Variants in PDE4D observed in about 807,000 individuals in gnomAD.
PDE4D encodes the protein phosphodiesterase 4D, also known as 3',5'-cyclic-AMP phosphodiesterase 4D.
PDE4D carries 24 observed loss-of-function variants against 87.4 expected under a neutral mutation model. The observed-to-expected ratio is 0.27, with a 90% CI of 0.20 to 0.39. The LOEUF is 0.39. PDE4D is among the 10% of genes least tolerant of loss of function. The pLI is 1.00. For missense variants in PDE4D, 714 were observed against 1,041.0 expected (o/e 0.69, Z 4.32); for synonymous variants, 384 against 383.2 (o/e 1.00, Z -0.02).
chr5:59,409,530 A>G (rs34468745), intron 1 of PDE4D, among the ~76,000 whole-genome samples: 26,136 of 151,896 alleles, frequency 0.17, 3,040 homozygotes, highest in African/African-American at 0.32. Flanking sequence ...GAGTGAGTGA[A>G]TGAGCTCTCT....
chr5:59,995,634 A>G (rs1420691326), intron 2 of PDE4D, among the ~76,000 whole-genome samples: 1 of 151,990 alleles, frequency 6.6e-6, no homozygotes, highest in African/African-American at 2.4e-5. Flanking sequence ...TTTCTTTTCA[A>G]TCTGCCTACT....
intron 5 of PDE4D, among the ~76,000 whole-genome samples, chr5:59,082,400 G>A (rs1425645424): frequency 1.3e-5 from 2 of 151,984 alleles, no homozygotes; most frequent in African/African-American, 2.4e-5. Context: ...AAGAGAGAAG[G>A]AAATCATTCT....
intron 1 of PDE4D, among the ~76,000 whole-genome samples, chr5:60,516,787 G>A (rs1750818854): frequency 6.6e-6 from 1 of 152,206 alleles, no homozygotes; most frequent in Non-Finnish European, 1.5e-5. Context: ...TAATGTAATT[G>A]ATGACAGTGG....
At chr5:60,220,761 G>C (rs1744403727) in intron 1 of PDE4D, among the ~76,000 whole-genome samples, 1 of 151,942 alleles carries the variant, frequency 6.6e-6, no homozygotes, top group South Asian at 2.1e-4. Flanking sequence ...CAATTACAAT[G>C]GTTAATAAAC....
intron 3 of PDE4D, among the ~76,000 whole-genome samples, chr5:59,935,995 T>C (rs926022371): frequency 2.6e-5 from 4 of 152,212 alleles, no homozygotes; most frequent in Non-Finnish European, 5.9e-5. Context: ...CTGGGTCAAA[T>C]GGTATTTCTA....
chr5:60,193,335 C>T (rs1785344474), intron 1 of PDE4D, among the ~76,000 whole-genome samples: 1 of 152,050 alleles, frequency 6.6e-6, no homozygotes, highest in South Asian at 2.1e-4. Context: ...AAAATAGGTT[C>T]ATATTATTAT....
At chr5:59,870,090 T>C (rs1472160519) in intron 1 of PDE4D, among the ~76,000 whole-genome samples, 1 of 152,186 alleles carries the variant, frequency 6.6e-6, no homozygotes, top group African/African-American at 2.4e-5. Context: ...TTCCATAAAG[T>C]CTCATGTGGT....
chr5:60,376,000 C>T (rs1460264330), intron 1 of PDE4D, among the ~76,000 whole-genome samples: 1 of 152,150 alleles, frequency 6.6e-6, no homozygotes, highest in East Asian at 1.9e-4. Context: ...GATCGCGCCA[C>T]TGCACTCCAG....
intron 1 of PDE4D, among the ~76,000 whole-genome samples, chr5:59,354,182 T>TA (rs989532329): frequency 6.6e-6 from 1 of 151,956 alleles, no homozygotes; most frequent in East Asian, 1.9e-4. Context: ...ATATTGCTCA[T>TA]AAAAAAAATT....
At chr5:59,058,184 C>A (rs558349726) in intron 5 of PDE4D, among the ~76,000 whole-genome samples, 1 of 152,246 alleles carries the variant, frequency 6.6e-6, no homozygotes, top group African/African-American at 2.4e-5. Context: ...GGCTTCTTTT[C>A]TATAATATTT....
intron 2 of PDE4D, among the ~76,000 whole-genome samples, chr5:59,994,580 A>G (rs1207757705): frequency 6.6e-6 from 1 of 152,122 alleles, no homozygotes; most frequent in African/African-American, 2.4e-5. Context: ...GGCCTGCCAC[A>G]TAAAAATTTT....
intron 1 of PDE4D, among the ~76,000 whole-genome samples, chr5:59,507,165 C>T (rs1014037084): frequency 6.6e-6 from 1 of 152,088 alleles, no homozygotes; most frequent in African/African-American, 2.4e-5. Flanking sequence ...AACCCCATCT[C>T]TACTAAAAAT....
intron 2 of PDE4D, among the ~76,000 whole-genome samples, chr5:60,034,445 T>C (rs1001503956): frequency 2.0e-5 from 3 of 152,188 alleles, no homozygotes; most frequent in African/African-American, 7.2e-5. Flanking sequence ...GGCTTGCGGC[T>C]TCACACCAAT....
chr5:59,533,217 A>G (rs910278458), intron 1 of PDE4D, among the ~76,000 whole-genome samples: 14 of 152,228 alleles, frequency 9.2e-5, no homozygotes, highest in Non-Finnish European at 2.9e-5. Context: ...AACTTTTATC[A>G]TCTATTTTTA....
At chr5:60,216,609 T>C (rs566985930) in intron 1 of PDE4D, among the ~76,000 whole-genome samples, 6 of 152,166 alleles carry the variant, frequency 3.9e-5, no homozygotes, top group African/African-American at 1.4e-4. Flanking sequence ...AAATATTCCA[T>C]GTAAAGAGTT....
chr5:60,038,384 C>G (rs1194916801), intron 2 of PDE4D, among the ~76,000 whole-genome samples: 1 of 152,124 alleles, frequency 6.6e-6, no homozygotes, highest in Admixed American at 6.6e-5. Flanking sequence ...AATAGGGAAT[C>G]CTTTCCCCAT....
At chr5:59,753,048 A>T (rs1760712578) in intron 1 of PDE4D, among the ~76,000 whole-genome samples, 1 of 152,172 alleles carries the variant, frequency 6.6e-6, no homozygotes, top group Admixed American at 6.5e-5. Context: ...GGTAGGGTTG[A>T]ATAGTTGCCC....
At chr5:60,277,569 T>G (rs1267923300) in intron 1 of PDE4D, among the ~76,000 whole-genome samples, 2 of 151,966 alleles carry the variant, frequency 1.3e-5, no homozygotes, top group Non-Finnish European at 2.9e-5. Flanking sequence ...AGGGCTGGAG[T>G]TCATAATATT....
chr5:59,520,698 T>C (rs1024161726), intron 1 of PDE4D, among the ~76,000 whole-genome samples: 1 of 152,182 alleles, frequency 6.6e-6, no homozygotes, highest in South Asian at 2.1e-4. Flanking sequence ...AGGTTAGATT[T>C]AGGAAATCAG....
Sources: allele counts gnomAD v4.1 joint callset (sites outside exome capture counted in the v4.1 genomes callset), GRCh38; gene constraint gnomAD v4.1.1; transcripts MANE v1.5; gene names NCBI Gene and HGNC (gene_info 2026-07-23, HGNC 2026-07-21).